The following CAPZA1 variants were observed in gnomAD, a reference collection of about 807,000 sequenced individuals.
CAPZA1 encodes the protein F-actin-capping protein subunit alpha-1.
In CAPZA1, 10 loss-of-function variants were observed where a neutral mutation model predicts 40.8. The ratio of observed to expected loss-of-function variants is 0.25; its 90% CI spans 0.15 to 0.42. The LOEUF is 0.42. CAPZA1 is among the 10% of genes least tolerant of loss of function. CAPZA1 has a pLI of 1.00. For missense variants in CAPZA1, 277 were observed against 353.8 expected (o/e 0.78, Z 1.74); for synonymous variants, 98 against 115.0 (o/e 0.85, Z 0.95).
intron 1 of CAPZA1, among the ~76,000 whole-genome samples, chr1:112,638,006 A>G (rs1367450621): frequency 6.6e-6 from 1 of 152,236 alleles, no homozygotes; most frequent in Non-Finnish European, 1.5e-5. Context: ...GATGTTGGAC[A>G]GTAAACATGT....
chr1:112,659,350 C>T, intron 6 of CAPZA1: 1 of 542,286 alleles, frequency 1.8e-6, no homozygotes, highest in Non-Finnish European at 3.3e-6. Flanking sequence ...TTTTACTTGG[C>T]TTAGGGTTAC....
chr1:112,630,162 C>A (rs1159136459), intron 1 of CAPZA1, among the ~76,000 whole-genome samples: 3 of 151,964 alleles, frequency 2.0e-5, no homozygotes, highest in South Asian at 4.1e-4. Context: ...CCCACCTCAG[C>A]CTTTCTAATG....
intron 3 of CAPZA1, chr1:112,649,796 G>A: frequency 3.2e-6 from 1 of 313,752 alleles, no homozygotes; most frequent in South Asian, 5.0e-5. Context: ...CTATACATAG[G>A]AATGATCTGC....
chr1:112,650,810 G>A (rs1482595378), intron 3 of CAPZA1, among the ~76,000 whole-genome samples: 2 of 152,228 alleles, frequency 1.3e-5, no homozygotes, highest in East Asian at 1.9e-4. Flanking sequence ...AGAGAAGTTG[G>A]TATGTAGCTT....
At position 112,666,842 on chromosome 1, in the gene CAPZA1, CTTGAACTTAA is replaced by C; in HGVS notation, c.586-230_586-221del. On this transcript the variant is annotated intron_variant, in intron 7 of 9. Transcript: ENST00000263168. ...TGTGAAAAGCATGTAATAAATGTTTCTTGAACTTAATAATCAGTTTTCCTTGCTAAGGAAA... is the reference window on the plus strand; with the variant it reads ...TGTGAAAAGCATGTAATAAATGTTTCTAATCAGTTTTCCTTGCTAAGGAAA... The C allele has an allele frequency of 1.4e-5, 7 of 486,896 alleles. No homozygotes were observed. In the South Asian group the frequency reaches 2.2e-4, roughly 15 times the overall value. 30.2% of individuals were successfully genotyped at this position (486,896 alleles called of 1,614,324 possible). A position where few individuals can be genotyped will look rare whatever the true frequency, so the allele number is the denominator to read the frequency against.
intron 7 of CAPZA1, among the ~76,000 whole-genome samples, chr1:112,662,400 T>C (rs992038833): frequency 4.3e-5 from 6 of 138,860 alleles, no homozygotes; most frequent in African/African-American, 1.6e-4. Flanking sequence ...TTTTTCTTTT[T>C]TTTTTTTTTT....
intron 5 of CAPZA1, among the ~76,000 whole-genome samples, chr1:112,655,715 A>G (rs1179948309): frequency 6.6e-6 from 1 of 151,882 alleles, no homozygotes; most frequent in Non-Finnish European, 1.5e-5. Flanking sequence ...GGTGCCCACC[A>G]CCACACCTGG....
At chr1:112,647,590 T>C (rs942049455) in intron 2 of CAPZA1, among the ~76,000 whole-genome samples, 2 of 152,370 alleles carry the variant, frequency 1.3e-5, no homozygotes, top group South Asian at 2.1e-4. Flanking sequence ...TTTATCGTTA[T>C]AGATCATAGC....
At chr1:112,623,937 CAG>C (rs1268032633) in intron 1 of CAPZA1, among the ~76,000 whole-genome samples, 1 of 135,292 alleles carries the variant, frequency 7.4e-6, no homozygotes, top group South Asian at 2.3e-4. Context: ...ACCCGGGAGG[CAG>C]AGTTTGCAGT....
rs1271500751 is a variant in CAPZA1, at chr1:112,670,367, T to TTC, written c.*236_*237insCT. 14 of 399,644 alleles carry TTC rather than the reference T, an allele frequency of 3.5e-5. No individual in the cohort carries two copies. The highest frequency in any genetic ancestry group is 4.9e-5 in the East Asian group (1 of 20,594). The allele number at this position is 399,644 out of a possible 1,614,324, so 24.8% of individuals were successfully genotyped here. A position where few individuals can be genotyped will look rare whatever the true frequency, so the allele number is the denominator to read the frequency against. Reference sequence around the variant, plus strand: ...CTACGTGTAAATCTTTTTTTCTTTTTTTTTTTTTTTTTTTGGTTAATTCTG... The same window carrying TTC: ...CTACGTGTAAATCTTTTTTTCTTTTTTCTTTTTTTTTTTTTTGGTTAATTCTG... On this transcript the variant is annotated 3_prime_UTR_variant, in exon 10 of 10. Coordinates refer to ENST00000263168, the MANE Select transcript of CAPZA1 (RefSeq NM_006135.3).
At chr1:112,662,453 C>T (rs1671635633) in intron 7 of CAPZA1, among the ~76,000 whole-genome samples, 1 of 126,502 alleles carries the variant, frequency 7.9e-6, no homozygotes, top group African/African-American at 3.0e-5. Flanking sequence ...GGATGGAGTG[C>T]AGTGGCAGGA....
intron 1 of CAPZA1, among the ~76,000 whole-genome samples, chr1:112,636,262 A>G (rs1384360700): frequency 1.3e-5 from 2 of 152,192 alleles, no homozygotes; most frequent in African/African-American, 4.8e-5. Flanking sequence ...TTCAGTACAG[A>G]TACTAGTAAT....
chr1:112,633,122 A>G (rs934260604), intron 1 of CAPZA1, among the ~76,000 whole-genome samples: 2 of 152,226 alleles, frequency 1.3e-5, no homozygotes, highest in Non-Finnish European at 2.9e-5. Flanking sequence ...TACTGTATAC[A>G]TTATTACTAA....
chr1:112,621,761 G>GTTTT (rs11418884), intron 1 of CAPZA1, among the ~76,000 whole-genome samples: 8 of 122,902 alleles, frequency 6.5e-5, no homozygotes, highest in East Asian at 2.3e-4. Context: ...TTGGGTTATG[G>GTTTT]TTTTTTTTTT....
At chr1:112,651,832 T>G (rs1360815355) in intron 3 of CAPZA1, among the ~76,000 whole-genome samples, 1 of 152,284 alleles carries the variant, frequency 6.6e-6, no homozygotes, top group East Asian at 1.9e-4. Context: ...GTAATAACTT[T>G]TGGCTGGGTG....
chr1:112,619,874 T>A lies in CAPZA1; in HGVS notation c.30T>A (p.Asp10Glu), dbSNP rs779900493. The change falls in exon 1 of 10, where the codon GAT becomes GAA. Residue 10 changes from aspartate to glutamate, a missense_variant. Physicochemically the swap from Asp to Glu is conservative, Grantham distance 45. Transcript: ENST00000263168. ...CCGACTTCGATGATCGTGTGTCGGA[T>A]GAGGAGAAGGTAAGGGGTCCGCCTC... MADFDDRVSDEEKVRIAAKF... is the reference protein window; with the variant it reads MADFDDRVSEEEKVRIAAKF... The A allele has an allele frequency of 6.2e-7, 1 of 1,612,508 alleles. No individual in the cohort carries two copies.
At chr1:112,655,649 A>T (rs1263188339) in intron 5 of CAPZA1, among the ~76,000 whole-genome samples, 1 of 151,930 alleles carries the variant, frequency 6.6e-6, no homozygotes, top group Non-Finnish European at 1.5e-5. Context: ...TGTCACCTCC[A>T]TCTCCTGGGT....
intron 7 of CAPZA1, among the ~76,000 whole-genome samples, chr1:112,664,123 G>A (rs909254134): frequency 1.3e-5 from 2 of 151,580 alleles, no homozygotes; most frequent in African/African-American, 2.4e-5. Context: ...TCCCAGCTAC[G>A]TGGGAGGCTG....
At chr1:112,640,627 G>T (rs538394659) in intron 1 of CAPZA1, among the ~76,000 whole-genome samples, 36 of 150,600 alleles carry the variant, frequency 2.4e-4, no homozygotes, top group African/African-American at 8.8e-4. Flanking sequence ...CCGGCCAGCC[G>T]CCCCATCCGG....
Sources: allele counts gnomAD v4.1 joint callset (sites outside exome capture counted in the v4.1 genomes callset), GRCh38; gene constraint gnomAD v4.1.1; transcripts MANE v1.5; gene names NCBI Gene and HGNC (gene_info 2026-07-23, HGNC 2026-07-21).